Variants in ASTN2 observed in about 807,000 individuals in gnomAD.
ASTN2 encodes the protein astrotactin 2.
Under a neutral mutation model 139.8 loss-of-function variants are expected in ASTN2, and 54 were observed. The observed-to-expected ratio is 0.39, with a 90% CI of 0.31 to 0.48. The LOEUF (loss-of-function observed/expected upper bound fraction) is 0.48. Ranked by LOEUF, ASTN2 falls within the 20% of genes least tolerant of loss-of-function variation. ASTN2 has a pLI of 0.95. For missense variants in ASTN2, 1,565 were observed against 1,725.1 expected (o/e 0.91, Z 1.64); for synonymous variants, 756 against 719.5 (o/e 1.05, Z -0.81).
chr9:116,976,617 G>C, intron 8 of ASTN2, 84 bp downstream of exon 8: 1 of 1,187,278 alleles, frequency 8.4e-7, no homozygotes, highest in Non-Finnish European at 1.2e-6. Context: ...TCTTTGTGGA[G>C]ATGCTTGGGG....
In ASTN2 at chr9:116,567,728, G is replaced by A. The variant is rs148924179; in HGVS notation, c.3355+50596C>T. 6.2e-3 allele frequency among the ~76,000 whole-genome samples: 945 copies of A among 152,120 alleles called. 14 individuals are homozygous for A. The highest frequency in any genetic ancestry group is 0.021 in the African/African-American group (885 of 41,478). On this transcript the variant is annotated intron_variant, in intron 19 of 22. Transcript: ENST00000313400. ...TATTTCACGAAGAAGATGAAGGAAG[G>A]ACGGTTGGCAGGCAGAAGGCAGGAC...
chr9:116,546,776 T>C (rs1176381691), intron 19 of ASTN2: 1 of 152,140 alleles, frequency 6.6e-6, no homozygotes, highest in Non-Finnish European at 1.5e-5. Flanking sequence ...AGCAACCAGG[T>C]AACAGACTTT....
intron 3 of ASTN2, chr9:117,180,513 C>T: frequency 1.6e-6 from 1 of 618,208 alleles, no homozygotes; most frequent in Non-Finnish European, 2.8e-6. Context: ...AATGCCATTT[C>T]CTCTGTGATC....
At chr9:116,528,390 C>A (rs2083593912) in intron 19 of ASTN2, among the ~76,000 whole-genome samples, 1 of 152,148 alleles carries the variant, frequency 6.6e-6, no homozygotes, top group Admixed American at 6.6e-5. Context: ...GCAAAGCATT[C>A]AAGAAATGAC....
intron 10 of ASTN2, among the ~76,000 whole-genome samples, chr9:116,883,860 T>C (rs1038464694): frequency 2.6e-5 from 4 of 152,182 alleles, no homozygotes; most frequent in Non-Finnish European, 2.9e-5. Flanking sequence ...TCAGAGCTTC[T>C]GGATTTGGGA....
At chr9:116,847,027 CA>C (rs1268575720) in intron 11 of ASTN2, among the ~76,000 whole-genome samples, 1,439 of 110,408 alleles carry the variant, frequency 0.013, 25 homozygotes, top group East Asian at 0.09. Flanking sequence ...AAAAAAAAAA[CA>C]AAAAACAAAA....
intron 1 of ASTN2, among the ~76,000 whole-genome samples, chr9:117,354,958 T>G (rs4837136): frequency 0.23 from 34,547 of 152,172 alleles, 4,637 homozygotes; most frequent in East Asian, 0.55. Flanking sequence ...ATACTATTTA[T>G]AAAAGTATTT....
chr9:117,170,793 G>A (rs1830773454), intron 3 of ASTN2, among the ~76,000 whole-genome samples: 1 of 152,140 alleles, frequency 6.6e-6, no homozygotes, highest in South Asian at 2.1e-4. Context: ...CTTCAGAAAA[G>A]AGGCAGGGAG....
At chr9:116,972,965 A>G (rs1046151596) in intron 10 of ASTN2, among the ~76,000 whole-genome samples, 1 of 152,210 alleles carries the variant, frequency 6.6e-6, no homozygotes, top group African/African-American at 2.4e-5. Context: ...TTTCCAACAT[A>G]CCATCTGACT....
chr9:117,139,166 G>T (rs1830017113), intron 4 of ASTN2, among the ~76,000 whole-genome samples: 1 of 152,120 alleles, frequency 6.6e-6, no homozygotes, highest in African/African-American at 2.4e-5. Context: ...AATAGGTAAA[G>T]CTATACGAAA....
At chr9:116,478,041 A>G (rs995461620) in intron 20 of ASTN2, among the ~76,000 whole-genome samples, 1 of 150,212 alleles carries the variant, frequency 6.7e-6, no homozygotes, top group African/African-American at 2.5e-5. Context: ...AAAAGAACAA[A>G]AGGAGAAAGC....
chr9:117,254,244 TAG>T (rs957651473), intron 2 of ASTN2, among the ~76,000 whole-genome samples: 7 of 152,156 alleles, frequency 4.6e-5, no homozygotes, highest in Non-Finnish European at 7.4e-5. Context: ...ATGATGGTCA[TAG>T]AGTCAAAATG....
chr9:116,833,969 A>G, intron 11 of ASTN2, among the ~76,000 whole-genome samples: 1 of 45,354 alleles, frequency 2.2e-5, no homozygotes, highest in Admixed American at 3.2e-4. Flanking sequence ...GGAAAAGGGA[A>G]TTTCACCAAA....
chr9:116,713,387 C>A (rs1321873158), intron 16 of ASTN2, among the ~76,000 whole-genome samples: 1 of 152,072 alleles, frequency 6.6e-6, no homozygotes, highest in Admixed American at 6.5e-5. Context: ...ACAACTAAGG[C>A]CAGCTCCTAC....
At chr9:117,407,676 G>C (rs1255568277) in intron 1 of ASTN2, among the ~76,000 whole-genome samples, 1 of 152,128 alleles carries the variant, frequency 6.6e-6, no homozygotes, top group Non-Finnish European at 1.5e-5. Flanking sequence ...GGGGGCTATT[G>C]TCCAAAAGAG....
intron 19 of ASTN2, among the ~76,000 whole-genome samples, chr9:116,495,351 G>T (rs1209590497): frequency 2.0e-5 from 3 of 152,202 alleles, no homozygotes; most frequent in South Asian, 2.1e-4. Context: ...TAGAGCTAAG[G>T]CCCCTTTTAT....
intron 7 of ASTN2, among the ~76,000 whole-genome samples, chr9:117,001,416 A>T (rs1837187401): frequency 6.6e-6 from 1 of 152,154 alleles, no homozygotes; most frequent in Admixed American, 6.5e-5. Flanking sequence ...TTAGGGAGTT[A>T]GATGCTCTCC....
intron 13 of ASTN2, among the ~76,000 whole-genome samples, chr9:116,801,365 G>A (rs910869605): frequency 8.6e-5 from 13 of 151,956 alleles, no homozygotes; most frequent in African/African-American, 2.2e-4. Flanking sequence ...GGTGGATCGC[G>A]AGGTCAGGAG....
intron 20 of ASTN2, among the ~76,000 whole-genome samples, chr9:116,455,505 G>T (rs914595843): frequency 1.3e-5 from 2 of 151,918 alleles, no homozygotes; most frequent in African/African-American, 4.8e-5. Context: ...TGTCCAAAAA[G>T]AAATAAGAAA....
Sources: allele counts gnomAD v4.1 joint callset (sites outside exome capture counted in the v4.1 genomes callset), GRCh38; gene constraint gnomAD v4.1.1; transcripts MANE v1.5; gene names NCBI Gene and HGNC (gene_info 2026-07-23, HGNC 2026-07-21).